Variants in VPS13A observed in about 807,000 individuals in gnomAD.
VPS13A encodes the protein intermembrane lipid transfer protein VPS13A.
Under a neutral mutation model 390.9 loss-of-function variants are expected in VPS13A, and 264 were observed. That is an observed-to-expected ratio of 0.68 (90% CI 0.61 to 0.75). The LOEUF (loss-of-function observed/expected upper bound fraction) is 0.75, where lower values mean the gene tolerates loss of function less well. Among genes scored for constraint, VPS13A ranks in the 30% least tolerant of loss-of-function variants. The pLI, the probability that VPS13A is intolerant of heterozygous loss-of-function variation, is 0.00. For missense variants in VPS13A, 3,409 were observed against 3,733.9 expected, an observed-to-expected ratio of 0.91 and a Z score of 2.27; for synonymous variants, 1,231 against 1,227.1, an observed-to-expected ratio of 1.00 and a Z score of -0.07.
intron 54 of VPS13A, among the ~76,000 whole-genome samples, chr9:77,356,447 T>C (rs1182948275): frequency 6.6e-6 from 1 of 152,196 alleles, no homozygotes; most frequent in Non-Finnish European, 1.5e-5. Flanking sequence ...TTGTTTACTA[T>C]TTATTTTCAC....
intron 1 of VPS13A, among the ~76,000 whole-genome samples, chr9:77,194,146 G>C (rs1212770114): frequency 6.6e-6 from 1 of 152,130 alleles, no homozygotes; most frequent in African/African-American, 2.4e-5. Context: ...GAGGCTGTGG[G>C]TGACGGTGTC....
At chr9:77,217,783 CTT>C (rs546757591) in intron 10 of VPS13A, among the ~76,000 whole-genome samples, 8 of 138,518 alleles carry the variant, frequency 5.8e-5, no homozygotes, top group Admixed American at 7.2e-5. Flanking sequence ...CTTTTTTTTT[CTT>C]TTTTTTTTTT....
At chr9:77,354,716 C>T (rs947459251) in intron 54 of VPS13A, among the ~76,000 whole-genome samples, 3 of 152,040 alleles carry the variant, frequency 2.0e-5, no homozygotes, top group African/African-American at 4.8e-5. Flanking sequence ...TCCCCTTAAA[C>T]CCCCATTGTG....
intron 68 of VPS13A, among the ~76,000 whole-genome samples, chr9:77,393,345 A>G (rs1265056895): frequency 1.3e-5 from 2 of 152,226 alleles, no homozygotes; most frequent in Admixed American, 1.3e-4. Flanking sequence ...AAAGTCATCC[A>G]TGATGGTTGC....
chr9:77,340,675 ATCTT>A, intron 50 of VPS13A, 125 bp downstream of exon 50: 1 of 1,193,346 alleles, frequency 8.4e-7, no homozygotes, highest in South Asian at 1.4e-5. Context: ...AGTTTCATGA[ATCTT>A]TATTGAATAT....
chr9:77,246,270 A>C lies in VPS13A; in HGVS notation c.1901-989A>C, dbSNP rs142094638. On this transcript the variant is annotated intron_variant, in intron 19 of 71. Transcript: ENST00000360280. The stretch of plus-strand genomic sequence containing the variant: ...ATTCATTTTCTTTCTGTTGGCTTGT[A>C]TATCAAGCTGATTATGTGTTGGCAC... 8.6e-4 allele frequency among the ~76,000 whole-genome samples: 131 copies of C among 152,300 alleles called. 2 individuals carry two copies. In the East Asian group the frequency reaches 0.023, roughly 27 times the overall value.
intron 1 of VPS13A, among the ~76,000 whole-genome samples, chr9:77,182,524 C>G (rs1314588629): frequency 6.6e-6 from 1 of 152,042 alleles, no homozygotes; most frequent in African/African-American, 2.4e-5. Context: ...TTTTTTTAAA[C>G]AAATGACACT....
At chr9:77,343,470 A>G (rs1037441524) in intron 50 of VPS13A, among the ~76,000 whole-genome samples, 2 of 152,200 alleles carry the variant, frequency 1.3e-5, no homozygotes, top group African/African-American at 4.8e-5. Context: ...GTCAGGGCCT[A>G]AGATGGAGTT....
intron 17 of VPS13A, among the ~76,000 whole-genome samples, chr9:77,235,123 GTTACAA>G (rs1429961715): frequency 1.3e-5 from 2 of 152,240 alleles, no homozygotes; most frequent in African/African-American, 2.4e-5. Flanking sequence ...TGCTTATGTA[GTTACAA>G]TTACAACAGT....
chr9:77,355,815 C>T (rs1330766523), intron 54 of VPS13A, among the ~76,000 whole-genome samples: 2 of 152,200 alleles, frequency 1.3e-5, no homozygotes, highest in Non-Finnish European at 2.9e-5. Context: ...GTTCTACCTT[C>T]AAAGTGCACA....
chr9:77,342,598 T>C (rs934413599), intron 50 of VPS13A, among the ~76,000 whole-genome samples: 1 of 152,206 alleles, frequency 6.6e-6, no homozygotes, highest in Non-Finnish European at 1.5e-5. Context: ...CACAAAATTA[T>C]TTAAATATTG....
intron 31 of VPS13A, among the ~76,000 whole-genome samples, chr9:77,287,539 T>C (rs1219682069): frequency 6.6e-6 from 1 of 152,154 alleles, no homozygotes; most frequent in Admixed American, 6.5e-5. Flanking sequence ...AAAGCCCTTC[T>C]CCACGTGGAA....
At position 77,225,989 on chromosome 9, in the gene VPS13A, G is replaced by A; in HGVS notation, c.1224+1G>A. ...AGCTAGACAGACGGCAGAAGTTGAG[G>A]TAATTCTTGGCTTTTCAATTAGTAA... On this transcript the variant is annotated splice_donor_variant, in intron 14 of 71. Coordinates refer to ENST00000360280, the MANE Select transcript of VPS13A (RefSeq NM_033305.3). LOFTEE classifies it high-confidence loss of function. 1 of 1,611,228 alleles carries A rather than the reference G, an allele frequency of 6.2e-7. No homozygotes were observed. The highest frequency in any genetic ancestry group is 1.1e-5 in the South Asian group (1 of 90,892).
intron 68 of VPS13A, among the ~76,000 whole-genome samples, chr9:77,386,963 C>T (rs1341558040): frequency 2.0e-5 from 3 of 152,026 alleles, no homozygotes; most frequent in African/African-American, 7.2e-5. Flanking sequence ...CTCGGCCTCC[C>T]AAGGTGCTGG....
chr9:77,310,527 T>G (rs1471046621), intron 35 of VPS13A, among the ~76,000 whole-genome samples: 4 of 152,202 alleles, frequency 2.6e-5, no homozygotes, highest in African/African-American at 7.2e-5. Flanking sequence ...TGAGCCATTG[T>G]TAGAATGTGA....
chr9:77,275,849 G>A (rs1269027410), intron 25 of VPS13A, among the ~76,000 whole-genome samples, 197 bp downstream of exon 25: 1 of 148,946 alleles, frequency 6.7e-6, no homozygotes, highest in East Asian at 2.0e-4. Context: ...TTAATCAAGA[G>A]TGAAGGATTT....
intron 33 of VPS13A, among the ~76,000 whole-genome samples, chr9:77,297,050 C>T (rs920619714): frequency 3.3e-5 from 5 of 151,614 alleles, no homozygotes; most frequent in Non-Finnish European, 5.9e-5. Flanking sequence ...GCGATTTATC[C>T]GTTTTATTGA....
intron 31 of VPS13A, among the ~76,000 whole-genome samples, chr9:77,288,435 A>G (rs1240099965): frequency 6.6e-6 from 1 of 152,148 alleles, no homozygotes; most frequent in Non-Finnish European, 1.5e-5. Context: ...GCACTGCTTT[A>G]GCTGCTTCCT....
Position 77,314,602 on chromosome 9 carries a change from C to T in VPS13A, c.4350C>T (p.Ser1450=). Residue 1450 remains serine, a synonymous_variant, in exon 37 of 72, where the codon TCC becomes TCT. Transcript: ENST00000360280. ...ATACAGATGGCTCAACATTTTCTTCCTTCTCATTAAAAAACTGTATTTTAG... is the reference window on the plus strand; with the variant it reads ...ATACAGATGGCTCAACATTTTCTTCTTTCTCATTAAAAAACTGTATTTTAG... ...KMYTDGSTFS[S]FSLKNCILDD... is the part of the protein sequence containing the mutation. 2 of 1,611,832 alleles carry T rather than the reference C, an allele frequency of 1.2e-6. No homozygotes were observed. Among genetic ancestry groups the T allele is most frequent in the Non-Finnish European group, 1.7e-6 (2 of 1,178,878 alleles).
Sources: allele counts gnomAD v4.1 joint callset (sites outside exome capture counted in the v4.1 genomes callset), GRCh38; gene constraint gnomAD v4.1.1; transcripts MANE v1.5; gene names NCBI Gene and HGNC (gene_info 2026-07-23, HGNC 2026-07-21).